The following CDC42BPB variants were observed in gnomAD, a reference collection of about 807,000 sequenced individuals.
CDC42BPB encodes the protein serine/threonine-protein kinase MRCK beta.
A neutral mutation model predicts 214.9 loss-of-function variants in CDC42BPB; 37 were observed. That is an observed-to-expected ratio of 0.17 (90% CI 0.13 to 0.23). The LOEUF (loss-of-function observed/expected upper bound fraction) is 0.23, where lower values mean the gene tolerates loss of function less well. CDC42BPB is among the 10% of genes least tolerant of loss of function. CDC42BPB has a pLI of 1.00. For synonymous variants in CDC42BPB, 931 were observed against 884.0 expected (o/e 1.05, Z -0.94); for missense variants, 1,694 against 2,227.0 (o/e 0.76, Z 4.82).
intron 12 of CDC42BPB, among the ~76,000 whole-genome samples, chr14:102,973,633 T>G (rs1893587859): frequency 6.6e-6 from 1 of 152,166 alleles, no homozygotes; most frequent in South Asian, 2.1e-4. Context: ...CACCATGCCC[T>G]GTGGACGGCC....
chr14:103,056,942 G>A, intron 1 of CDC42BPB, 57 bp downstream of exon 1: 1 of 1,230,136 alleles, frequency 8.1e-7, no homozygotes, highest in Non-Finnish European at 1.1e-6. Flanking sequence ...GGGGATGCGC[G>A]GGCTGGGGCG....
At chr14:103,034,233 T>C (rs1887544590) in intron 1 of CDC42BPB, among the ~76,000 whole-genome samples, 1 of 152,206 alleles carries the variant, frequency 6.6e-6, no homozygotes, top group African/African-American at 2.4e-5. Flanking sequence ...TAAAAACATT[T>C]AAGGCCAGGC....
In CDC42BPB at chr14:102,974,168, A is replaced by G. The variant is rs767438096; in HGVS notation, c.1508-19T>C. 10 of 1,612,214 alleles carry G rather than the reference A, an allele frequency of 6.2e-6. No individual in the cohort carries two copies. The highest frequency in any genetic ancestry group is 1.3e-5 in the African/African-American group (1 of 74,984). ...TTTGAATCTGGACAAAAGAGGAAATAAACTCTGTTCCTTTATGTGCAATGA... is the reference window on the plus strand; with the variant it reads ...TTTGAATCTGGACAAAAGAGGAAATGAACTCTGTTCCTTTATGTGCAATGA... On this transcript the variant is annotated intron_variant, in intron 11 of 36. Coordinates refer to ENST00000361246, the MANE Select transcript of CDC42BPB (RefSeq NM_006035.4).
intron 1 of CDC42BPB, among the ~76,000 whole-genome samples, chr14:103,042,412 G>T (rs992719360): frequency 6.6e-6 from 1 of 151,944 alleles, no homozygotes; most frequent in Non-Finnish European, 1.5e-5. Flanking sequence ...CCGGGTTCAC[G>T]CCGTTCTCCT....
chr14:102,968,125 A>C (rs1463375088), intron 16 of CDC42BPB, 128 bp downstream of exon 16: 6 of 667,130 alleles, frequency 9.0e-6, no homozygotes, highest in Non-Finnish European at 1.5e-5. Context: ...CCAAGACTCA[A>C]GAATGACGAC....
At chr14:102,978,350 AG>A (rs1176391988) in intron 8 of CDC42BPB, 145 bp from the exon 9 acceptor site, 7 of 1,481,362 alleles carry the variant, frequency 4.7e-6, no homozygotes, top group Non-Finnish European at 6.3e-6. Flanking sequence ...TGTCCTCTGC[AG>A]GGGAGATGAG....
chr14:103,004,087 G>A lies in CDC42BPB; in HGVS notation c.352-64C>T, dbSNP rs34793989. ...GAAGCAGGCCAGAGAGCGTACTGCC[G>A]GTCTCGGGGTCCCTCCTGGGACAGT... On this transcript the variant is annotated intron_variant, in intron 3 of 36. Coordinates refer to ENST00000361246, the MANE Select transcript of CDC42BPB (RefSeq NM_006035.4). This position sits in a 1 kb window ranked among gnomAD's most constrained non-coding sequence, Gnocchi z 5.3. 894 of 1,498,080 alleles carry A rather than the reference G, an allele frequency of 6.0e-4. 7 individuals carry two copies. The East Asian group carries it at 0.011, about 18-fold the overall frequency. 92.8% of individuals were successfully genotyped at this position (1,498,080 alleles called of 1,614,324 possible).
Position 102,970,248 on chromosome 14 carries a change from A to G in CDC42BPB, c.1898T>C (p.Leu633Pro). The change falls in exon 14 of 37, where the codon CTT becomes CCT. Residue 633 changes from leucine to proline, a missense_variant. By Grantham distance (98) the Leu-to-Pro change is moderately conservative. This residue lies in a region of CDC42BPB where 462 missense variants were observed against 513.5 expected (regional missense o/e 0.90). Transcript: ENST00000361246. The stretch of plus-strand genomic sequence containing the variant: ...GGAGGCCTCAGCAACAGCATCATCA[A>G]GCTGAGCTTCCAGCTACAAAAGGAA... Reference protein sequence around the residue: ...EKLRKELEAQLDDAVAEASKE... With the variant: ...EKLRKELEAQPDDAVAEASKE... The G allele has an allele frequency of 1.2e-6, 2 of 1,612,866 alleles. No individual in the cohort carries two copies. Among genetic ancestry groups the G allele is most frequent in the Non-Finnish European group, 8.5e-7 (1 of 1,179,558 alleles).
intron 8 of CDC42BPB, among the ~76,000 whole-genome samples, chr14:102,980,424 C>CA (rs1893947138): frequency 6.6e-6 from 1 of 151,950 alleles, no homozygotes; most frequent in East Asian, 1.9e-4. Context: ...AACAGGGAGT[C>CA]AGAGGTTGCA....
intron 11 of CDC42BPB, 198 bp from the exon 12 acceptor site, chr14:102,974,347 C>T (rs17101126): frequency 0.072 from 70,969 of 983,882 alleles, 3,448 homozygotes; most frequent in African/African-American, 0.23. Flanking sequence ...TACCTGCATG[C>T]CTGTGCTGAA....
intron 13 of CDC42BPB, among the ~76,000 whole-genome samples, chr14:102,970,588 A>G (rs922905316): frequency 2.0e-5 from 3 of 152,174 alleles, no homozygotes; most frequent in Admixed American, 6.5e-5. Context: ...CATTTATTAA[A>G]TGGGCCATTT....
At chr14:102,941,509 G>A in intron 30 of CDC42BPB, 1 of 985,446 alleles carries the variant, frequency 1.0e-6, no homozygotes. Context: ...TGAGGCCTCT[G>A]AGAACCAAGT....
chr14:102,967,286 A>AT, intron 16 of CDC42BPB, 116 bp from the exon 17 acceptor site: 2 of 1,426,952 alleles, frequency 1.4e-6, no homozygotes, highest in Non-Finnish European at 1.8e-6. Context: ...TCGTCATGAG[A>AT]TTTTTCCAAA....
At chr14:103,056,442 TC>T (rs1458996228) in intron 1 of CDC42BPB, among the ~76,000 whole-genome samples, 2 of 151,392 alleles carry the variant, frequency 1.3e-5, no homozygotes, top group African/African-American at 4.9e-5. Context: ...TGCAAGGGGG[TC>T]CCACGGGGCA....
chr14:102,941,281 G>A (rs1891877538), intron 30 of CDC42BPB: 1 of 985,338 alleles, frequency 1.0e-6, no homozygotes, highest in Admixed American at 6.1e-5. Context: ...TCTGCCTCCG[G>A]AGTTCAAGGT....
At position 102,944,999 on chromosome 14, in the gene CDC42BPB, C is replaced by T. The variant is rs1310213503; in HGVS notation, c.3812-512G>A. ...CACTGCCCTCACACTCACACGGCCC[C>T]CAGTGAAGACGCCGCCCTCACACGG... is the stretch of plus-strand genomic sequence containing the variant. On this transcript the variant is annotated intron_variant, in intron 29 of 36. Transcript: ENST00000361246. This position sits in a 1 kb window ranked among gnomAD's most constrained non-coding sequence, Gnocchi z 6.6. 6.6e-6 allele frequency among the ~76,000 whole-genome samples: 1 copy of T among 152,190 alleles called. No homozygotes were observed. Among genetic ancestry groups the T allele is most frequent in the African/African-American group, 2.4e-5 (1 of 41,460 alleles).
At chr14:102,970,605 C>A (rs920098662) in intron 13 of CDC42BPB, among the ~76,000 whole-genome samples, 2 of 152,144 alleles carry the variant, frequency 1.3e-5, no homozygotes, top group African/African-American at 4.8e-5. Context: ...ATTTCAAACA[C>A]GCACACGAAG....
intron 23 of CDC42BPB, among the ~76,000 whole-genome samples, chr14:102,953,177 G>T (rs1448322726): frequency 6.6e-6 from 1 of 152,252 alleles, no homozygotes; most frequent in Non-Finnish European, 1.5e-5. Flanking sequence ...TGTTTACCAA[G>T]CTCAGGCGCA....
intron 1 of CDC42BPB, among the ~76,000 whole-genome samples, chr14:103,046,076 G>A (rs1486634005): frequency 1.3e-5 from 2 of 152,050 alleles, no homozygotes; most frequent in Non-Finnish European, 2.9e-5. Context: ...GAGAAGAGGC[G>A]CTCAGATCTC....
Sources: gnomAD v4.1 joint callset for allele counts (sites outside exome capture counted in the v4.1 genomes callset) on GRCh38, gnomAD v4.1.1 for gene constraint, gnomAD v4.1.1 regional missense constraint, Gnocchi (gnomAD v3.1) non-coding constraint, MANE v1.5 for transcripts, NCBI Gene and HGNC (gene_info 2026-07-23, HGNC 2026-07-21) for gene names.